The following PFKFB4 variants were observed in gnomAD, a reference collection of about 807,000 sequenced individuals.
PFKFB4 encodes the protein 6-phosphofructo-2-kinase/fructose-2,6-bisphosphatase 4.
PFKFB4 carries 42 observed loss-of-function variants against 62.8 expected under a neutral mutation model. The ratio of observed to expected loss-of-function variants is 0.67; its 90% CI spans 0.52 to 0.86. The LOEUF (loss-of-function observed/expected upper bound fraction) is 0.86. PFKFB4 is among the 40% of genes least tolerant of loss of function. The probability of loss-of-function intolerance (pLI) is 0.00; values close to 1 mark genes in which losing one functional copy is unlikely to be tolerated. For missense variants in PFKFB4, 475 were observed against 627.2 expected, an observed-to-expected ratio of 0.76 and a Z score of 2.59; for synonymous variants, 204 against 240.7, an observed-to-expected ratio of 0.85 and a Z score of 1.41.
chr3:48,551,701 C>T (rs1258710471), intron 1 of PFKFB4, among the ~76,000 whole-genome samples: 3 of 151,602 alleles, frequency 2.0e-5, no homozygotes, highest in Non-Finnish European at 4.4e-5. Context: ...CATGCCACCA[C>T]ACCTGGCTAA....
At chr3:48,554,199 C>G (rs2043243035) in intron 1 of PFKFB4, among the ~76,000 whole-genome samples, 1 of 152,144 alleles carries the variant, frequency 6.6e-6, no homozygotes. Flanking sequence ...CCCACAAAGC[C>G]CTGGGACCAA....
chr3:48,533,630 G>T lies in PFKFB4; in HGVS notation c.987+1882C>A, dbSNP rs2042498915. ...AGAACTTTGGGAGGTTGAGGTGGGT[G>T]GATTGCCTGAGGTCAGGAATTCAAG... On this transcript the variant is annotated intron_variant, in intron 9 of 13. Transcript: ENST00000232375. Among the ~76,000 whole-genome samples the T allele has an allele frequency of 2.0e-5, 3 of 152,286 alleles. No homozygotes were observed. The South Asian group carries it at 6.2e-4, about 32-fold the overall frequency.
chr3:48,535,159 G>T (rs1251115830), intron 9 of PFKFB4, among the ~76,000 whole-genome samples: 1 of 152,166 alleles, frequency 6.6e-6, no homozygotes, highest in Non-Finnish European at 1.5e-5. Flanking sequence ...CCTCATTTGT[G>T]TCTCCAGATC....
chr3:48,521,051 T>A lies in PFKFB4; in HGVS notation c.1350+935A>T, dbSNP rs1328863703. On this transcript the variant is annotated intron_variant, in intron 13 of 13. Coordinates refer to ENST00000232375, the MANE Select transcript of PFKFB4 (RefSeq NM_004567.4). The surrounding 1 kb of genome is among the most constrained non-coding windows in gnomAD (Gnocchi z 5.3). Reference sequence around the variant, plus strand: ...TATCAGAGCAATGGGAAGAGAGGCCTGCAGGGTAACTGGTCCTGCTTGGGG... The same window carrying A: ...TATCAGAGCAATGGGAAGAGAGGCCAGCAGGGTAACTGGTCCTGCTTGGGG... Among the ~76,000 whole-genome samples, 2 of 152,202 alleles carry A rather than the reference T, an allele frequency of 1.3e-5. No homozygotes were observed. Among genetic ancestry groups the A allele is most frequent in the African/African-American group, 4.8e-5 (2 of 41,444 alleles).
rs754621646 is a variant in PFKFB4 at position 48,536,286 on chromosome 3, C to G, written c.810G>C (p.Gly270=). The G allele has an allele frequency of 1.2e-6, 2 of 1,614,068 alleles. No individual in the cohort carries two copies. The highest frequency in any genetic ancestry group is 1.7e-4 in the Middle Eastern group (1 of 6,034). Residue 270 remains glycine (G), a synonymous_variant, in exon 8 of 14, where the codon GGG becomes GGC. Transcript: ENST00000232375. The part of the protein sequence containing the change: ...SELNLKGRIG[G]DPGLSPRGRE... The stretch of plus-strand genomic sequence containing the variant: ...TGCCCCGAGGGGACAGTCCTGGGTC[C>G]CCGCCAATCCGGCCCTTGAGGTTGA...
At chr3:48,539,197 G>A (rs1457455327) in intron 6 of PFKFB4, 57 bp downstream of exon 6, 6 of 1,379,894 alleles carry the variant, frequency 4.3e-6, no homozygotes, top group Admixed American at 1.7e-5. Flanking sequence ...GCCAAAACCT[G>A]AAAAGGGATG....
rs924866952 is a variant in PFKFB4 at position 48,521,499 on chromosome 3, C to T, written c.1350+487G>A. ...CTGCATGGCCCTTTCCCCAAAAGTA[C>T]ATGATCCCATTTTAATTTTTAAAGG... On this transcript the variant is annotated intron_variant, in intron 13 of 13. Coordinates refer to ENST00000232375, the MANE Select transcript of PFKFB4 (RefSeq NM_004567.4). This position sits in a 1 kb window ranked among gnomAD's most constrained non-coding sequence, Gnocchi z 5.3. Among the ~76,000 whole-genome samples, 3 of 152,224 alleles carry T rather than the reference C, an allele frequency of 2.0e-5. No individual in the cohort carries two copies. The highest frequency in any genetic ancestry group is 7.2e-5 in the African/African-American group (3 of 41,452).
rs1206530246 is a variant in PFKFB4, at chr3:48,538,548, G to T, written c.582C>A (p.Arg194=). Residue 194 remains arginine (R), a synonymous_variant, in exon 7 of 14, where the codon CGC becomes CGA. Coordinates refer to ENST00000232375, the MANE Select transcript of PFKFB4 (RefSeq NM_004567.4). ...CGTAGGAGTTCTCATAGCACTCAAT[G>T]CGCCTCATGAAGTCCTCCGTAGCCT... The part of the protein sequence containing the change: ...SDEATEDFMR[R]IECYENSYES... The T allele has an allele frequency of 6.2e-7, 1 of 1,614,164 alleles. No homozygotes were observed. Among genetic ancestry groups the T allele is most frequent in the Non-Finnish European group, 8.5e-7 (1 of 1,180,036 alleles).
Position 48,518,675 on chromosome 3 carries a change from A to G in PFKFB4, c.*1072T>C, listed in dbSNP as rs899198636. On this transcript the variant is annotated 3_prime_UTR_variant, in exon 14 of 14. Transcript: ENST00000232375. ...ATCCTCCCTTGCCCAGGGACTGCCTATGGGTTCTGCCTTCTCCCTTCCTCA... is the reference window on the plus strand; with the variant it reads ...ATCCTCCCTTGCCCAGGGACTGCCTGTGGGTTCTGCCTTCTCCCTTCCTCA... The G allele has an allele frequency of 1.3e-5, 2 of 152,280 alleles. No homozygotes were observed. Among genetic ancestry groups the G allele is most frequent in the Non-Finnish European group, 2.9e-5 (2 of 68,072 alleles). The allele number at this position is 152,280 out of a possible 1,614,324, so 9.4% of individuals were successfully genotyped here. A position where few individuals can be genotyped will look rare whatever the true frequency, so the allele number is the denominator to read the frequency against.
At position 48,537,797 on chromosome 3, in the gene PFKFB4, T is replaced by A. The variant is rs2042671534; in HGVS notation, c.632+701A>T. ...GCCTCAGCCTCCCAAAGTGCTAGGATTACAGGCATAAGCCACTCTGCCCGG... is the reference window on the plus strand; with the variant it reads ...GCCTCAGCCTCCCAAAGTGCTAGGAATACAGGCATAAGCCACTCTGCCCGG... On this transcript the variant is annotated intron_variant, in intron 7 of 13. Transcript: ENST00000232375. 2.0e-5 allele frequency among the ~76,000 whole-genome samples: 3 copies of A among 152,234 alleles called. No homozygotes were observed. The South Asian group carries it at 6.2e-4, about 32-fold the overall frequency.
At chr3:48,557,065 G>C (rs2043346823), upstream of PFKFB4, 16 of 960,360 alleles carry the variant, frequency 1.7e-5, no homozygotes, top group South Asian at 3.3e-4. Flanking sequence ...GATTGTACTG[G>C]TCCCGCCCCA....
At position 48,543,682 on chromosome 3, in the gene PFKFB4, C is replaced by T. The variant is rs780948734; in HGVS notation, c.312-36G>A. The T allele has an allele frequency of 6.3e-5, 99 of 1,570,968 alleles. 2 individuals carry two copies. In the Middle Eastern group the frequency reaches 5.2e-3, roughly 82 times the overall value. ...GAAAACACAGGGTCAGCCCAGCACC[C>T]GACCCTGGCTCCAGGAGGGTGGCCA... On this transcript the variant is annotated intron_variant, in intron 3 of 13. Transcript: ENST00000232375.
intron 3 of PFKFB4, among the ~76,000 whole-genome samples, chr3:48,546,811 T>G (rs951673670): frequency 7.2e-5 from 11 of 152,226 alleles, no homozygotes; most frequent in African/African-American, 2.7e-4. Context: ...AGGGTGCCTA[T>G]ATGACCAGCC....
At chr3:48,524,440 C>G (rs1302624547) in intron 10 of PFKFB4, among the ~76,000 whole-genome samples, 3 of 152,244 alleles carry the variant, frequency 2.0e-5, no homozygotes, top group African/African-American at 7.2e-5. Context: ...GCAGTCAGAA[C>G]TGAACGTGCC....
intron 9 of PFKFB4, among the ~76,000 whole-genome samples, chr3:48,533,606 G>A (rs1043439375): frequency 1.1e-4 from 17 of 152,204 alleles, no homozygotes; most frequent in African/African-American, 4.1e-4. Flanking sequence ...TGTAATCCTA[G>A]AACTTTGGGA....
At position 48,535,493 on chromosome 3, in the gene PFKFB4, A is replaced by G; in HGVS notation, c.987+19T>C. On this transcript the variant is annotated intron_variant, in intron 9 of 13. Coordinates refer to ENST00000232375, the MANE Select transcript of PFKFB4 (RefSeq NM_004567.4). ...TGCGGTATCTGGGAGGTAGACAGGGAGGGAGGGACGGTAACTACCGCATCG... is the reference window on the plus strand; with the variant it reads ...TGCGGTATCTGGGAGGTAGACAGGGGGGGAGGGACGGTAACTACCGCATCG... 1 of 1,604,580 alleles carries G rather than the reference A, an allele frequency of 6.2e-7. No individual in the cohort carries two copies. Among genetic ancestry groups the G allele is most frequent in the Non-Finnish European group, 8.5e-7 (1 of 1,172,192 alleles).
intron 12 of PFKFB4, 73 bp downstream of exon 12, chr3:48,523,464 G>T: frequency 7.2e-7 from 1 of 1,395,152 alleles, no homozygotes; most frequent in South Asian, 1.2e-5. Context: ...AAGGAATTCG[G>T]AGAAAATCAT....
rs2043307990 is a variant in PFKFB4 at position 48,556,130 on chromosome 3, T to A, written c.97+551A>T. Reference sequence around the variant, plus strand: ...CAGGCCCACACGGCATACTTTTCTGTCTCTATCCTGAGCACATCTCTGCTG... The same window carrying A: ...CAGGCCCACACGGCATACTTTTCTGACTCTATCCTGAGCACATCTCTGCTG... On this transcript the variant is annotated intron_variant, in intron 1 of 13. Coordinates refer to ENST00000232375, the MANE Select transcript of PFKFB4 (RefSeq NM_004567.4). This position sits in a 1 kb window ranked among gnomAD's most constrained non-coding sequence, Gnocchi z 5.7. 1 of 456,866 alleles carries A rather than the reference T, an allele frequency of 2.2e-6. No individual in the cohort carries two copies. The highest frequency in any genetic ancestry group is 4.4e-6 in the Non-Finnish European group (1 of 227,140). 28.3% of individuals were successfully genotyped at this position (456,866 alleles called of 1,614,324 possible). A position where few individuals can be genotyped will look rare whatever the true frequency, so the allele number is the denominator to read the frequency against.
upstream of PFKFB4, among the ~76,000 whole-genome samples, chr3:48,557,693 C>T (rs1236319590): frequency 6.6e-5 from 10 of 152,084 alleles, no homozygotes; most frequent in Admixed American, 6.5e-4. Context: ...CCCACCACCA[C>T]GCCCTGCTAA....
Sources: allele counts gnomAD v4.1 joint callset (sites outside exome capture counted in the v4.1 genomes callset), GRCh38; gene constraint gnomAD v4.1.1; non-coding constraint Gnocchi (gnomAD v3.1); transcripts MANE v1.5; gene names NCBI Gene and HGNC (gene_info 2026-07-23, HGNC 2026-07-21).